ZNF12: variants seen among roughly 807,000 people sequenced by gnomAD.
ZNF12 encodes gonadotropin inducible transcription repressor 3.
Under a neutral mutation model 66.6 loss-of-function variants are expected in ZNF12, and 34 were observed. That is an observed-to-expected ratio of 0.51 (90% CI 0.39 to 0.68). ZNF12 has a LOEUF of 0.68. ZNF12 is among the 30% of genes least tolerant of loss of function. The pLI is 0.00. For synonymous variants in ZNF12, 320 were observed against 278.9 expected (o/e 1.15, Z -1.47); for missense variants, 697 against 826.9 (o/e 0.84, Z 1.93).
chr7:6,690,451 CTT>C lies in ZNF12; in HGVS notation c.*395_*396del, dbSNP rs894327636. The C allele has an allele frequency of 4.8e-5, 7 of 144,848 alleles. No individual in the cohort carries two copies. The East Asian group carries it at 6.0e-4, about 12-fold the overall frequency. 9.0% of individuals were successfully genotyped at this position (144,848 alleles called of 1,614,324 possible). On this transcript the variant is annotated 3_prime_UTR_variant, in exon 5 of 5. Transcript: ENST00000405858. Reference sequence around the variant, plus strand: ...TATTCACAGCAGGAATCTTCTATTTCTTTTTTTTTTTTCAAGTTTGCTATTGT... The same window carrying C: ...TATTCACAGCAGGAATCTTCTATTTCTTTTTTTTTTCAAGTTTGCTATTGT...
rs776313216 is a variant in ZNF12, at chr7:6,689,055, C to T, written c.*1793G>A. ...TAAAATAAATGACTTACCTAAAGTCCACTTCTGAACTGCATAACTCCTATA... is the reference window on the plus strand; with the variant it reads ...TAAAATAAATGACTTACCTAAAGTCTACTTCTGAACTGCATAACTCCTATA... On this transcript the variant is annotated 3_prime_UTR_variant, in exon 5 of 5. Coordinates refer to ENST00000405858, the MANE Select transcript of ZNF12 (RefSeq NM_016265.4). The T allele has an allele frequency of 2.0e-5, 3 of 152,460 alleles. No homozygotes were observed. The highest frequency in any genetic ancestry group is 7.2e-5 in the African/African-American group (3 of 41,414). The allele number at this position is 152,460 out of a possible 1,614,324, so 9.4% of individuals were successfully genotyped here.
intron 2 of ZNF12, among the ~76,000 whole-genome samples, chr7:6,701,785 A>G (rs961555904): frequency 2.6e-5 from 4 of 152,078 alleles, no homozygotes; most frequent in African/African-American, 9.7e-5. Context: ...TCGAGGCCCC[A>G]CAGCCATTCT....
chr7:6,692,433 C>A lies in ZNF12; in HGVS notation c.509G>T (p.Gly170Val). The part of the protein sequence containing the change: ...YARMKADECS[G>V]CGKSLLHIKL... ...AATATGGAGGAGTGATTTCCCACAT[C>A]CACTACATTCATCAGCTTTCATTCT... is the stretch of plus-strand genomic sequence containing the variant. Residue 170 changes from glycine to valine, a missense_variant, in exon 5 of 5, where the codon GGA (glycine) becomes GTA (valine). Gly to Val is a moderately radical substitution (Grantham distance 109). Transcript: ENST00000405858. The surrounding 1 kb of genome is among the most constrained non-coding windows in gnomAD (Gnocchi z 5.1). 1 of 1,613,288 alleles carries A rather than the reference C, an allele frequency of 6.2e-7. No individual in the cohort carries two copies. The highest frequency in any genetic ancestry group is 1.3e-5 in the African/African-American group (1 of 75,032).
rs867160866 is a variant in ZNF12 at position 6,691,285 on chromosome 7, T to C, written c.1657A>G (p.Ile553Val). The C allele has an allele frequency of 6.2e-6, 10 of 1,613,588 alleles. No individual in the cohort carries two copies. Among genetic ancestry groups the C allele is most frequent in the Admixed American group, 1.7e-5 (1 of 59,968 alleles). The stretch of plus-strand genomic sequence containing the variant: ...ATCTGAGAGAAGAATTTTCCACATA[T>C]ATAGCATTCATAGGGCTTCTCTCCT... The part of the protein sequence containing the change: ...HKGEKPYECY[I>V]CGKFFSQMSY... Residue 553 changes from isoleucine (I) to valine (V), a missense_variant, in exon 5 of 5, where the codon ATA (isoleucine) becomes GTA (valine). By Grantham distance (29) the Ile-to-Val change is conservative (BLOSUM62 3). This residue lies in a region of ZNF12 where 401 missense variants were observed against 519.0 expected (regional missense o/e 0.77). Coordinates refer to ENST00000405858, the MANE Select transcript of ZNF12 (RefSeq NM_016265.4).
rs1484846621 is a variant in ZNF12 at position 6,691,682 on chromosome 7, G to A, written c.1260C>T (p.Arg420=). 1.2e-6 allele frequency: 2 copies of A among 1,612,850 alleles called. No individual in the cohort carries two copies. The highest frequency in any genetic ancestry group is 1.3e-5 in the African/African-American group (1 of 74,578). The change falls in exon 5 of 5, where the codon CGC becomes CGT. Residue 420 remains arginine, a synonymous_variant. Transcript: ENST00000405858. ...KCSECGKCFC[R]KSTLTTHLRT... ...TCAGGTGGGTCGTGAGAGTAGACTT[G>A]CGGCAGAAGCATTTCCCACATTCAC...
intron 2 of ZNF12, among the ~76,000 whole-genome samples, chr7:6,700,302 T>TACACACACAC (rs780908025): frequency 1.2e-5 from 1 of 83,874 alleles, no homozygotes; most frequent in African/African-American, 5.5e-5. Flanking sequence ...AAAAAAAAAA[T>TACACACACAC]ATACACACAC....
At chr7:6,694,242 T>G (rs986915614) in intron 4 of ZNF12, among the ~76,000 whole-genome samples, 3 of 152,116 alleles carry the variant, frequency 2.0e-5, no homozygotes, top group Non-Finnish European at 2.9e-5. Context: ...AACAATTTTA[T>G]TTTTACTTAC....
At position 6,691,031 on chromosome 7, in the gene ZNF12, CT is replaced by C; in HGVS notation, c.1910del (p.Glu637GlyfsTer52). ...ACATCCGAGAGAAGGCTTTTCCACA[CT>C]CATTACATTCAAAGGGTTTCTCTCC... ...HSGEKPFECN[E>X]CGKAFSRMSY... On this transcript the variant is annotated frameshift_variant, in exon 5 of 5. Transcript: ENST00000405858. LOFTEE classifies it high-confidence loss of function. 1 of 1,613,738 alleles carries C rather than the reference CT, an allele frequency of 6.2e-7. No individual in the cohort carries two copies. The highest frequency in any genetic ancestry group is 8.5e-7 in the Non-Finnish European group (1 of 1,179,908).
At chr7:6,703,895 T>C (rs117408417) in intron 2 of ZNF12, among the ~76,000 whole-genome samples, 3,493 of 152,326 alleles carry the variant, frequency 0.023, 61 homozygotes, top group Middle Eastern at 0.048. Flanking sequence ...TGCTGGATTA[T>C]TGGCAACCTT....
In ZNF12 at chr7:6,691,120, A is replaced by C; in HGVS notation, c.1822T>G (p.Tyr608Asp). The change falls in exon 5 of 5, where the codon TAT (tyrosine) becomes GAT (aspartate). Residue 608 changes from tyrosine to aspartate, a missense_variant. Coordinates refer to ENST00000405858, the MANE Select transcript of ZNF12 (RefSeq NM_016265.4). ...TGAGAGAAGCACTTCCCACATTCATAACATTCGTAGGCTTTCTCTCCTGTG... is the reference window on the plus strand; with the variant it reads ...TGAGAGAAGCACTTCCCACATTCATCACATTCGTAGGCTTTCTCTCCTGTG... Reference protein sequence around the residue: ...THTGEKAYECYECGKCFSQMS... With the variant: ...THTGEKAYECDECGKCFSQMS... 1 of 1,614,030 alleles carries C rather than the reference A, an allele frequency of 6.2e-7. No homozygotes were observed. Among genetic ancestry groups the C allele is most frequent in the Non-Finnish European group, 8.5e-7 (1 of 1,179,982 alleles).
Position 6,692,718 on chromosome 7 carries a change from A to T in ZNF12, c.239-15T>A. Reference sequence around the variant, plus strand: ...CCAGACTTCATCTAAAGAGAGACAAAATTAATAAACTTTTGTACATCTTCC... The same window carrying T: ...CCAGACTTCATCTAAAGAGAGACAATATTAATAAACTTTTGTACATCTTCC... On this transcript the variant is annotated splice_polypyrimidine_tract_variant and intron_variant, in intron 4 of 4. Coordinates refer to ENST00000405858, the MANE Select transcript of ZNF12 (RefSeq NM_016265.4). The surrounding 1 kb of genome is among the most constrained non-coding windows in gnomAD (Gnocchi z 5.1). The T allele has an allele frequency of 6.5e-7, 1 of 1,542,724 alleles. No individual in the cohort carries two copies. The highest frequency in any genetic ancestry group is 1.4e-5 in the African/African-American group (1 of 72,068).
intron 4 of ZNF12, among the ~76,000 whole-genome samples, chr7:6,694,313 G>A (rs937781701): frequency 1.3e-5 from 2 of 152,070 alleles, no homozygotes; most frequent in African/African-American, 2.4e-5. Flanking sequence ...TAAGTGAAAC[G>A]ATATCAACCG....
At chr7:6,703,227 C>T (rs990587814) in intron 2 of ZNF12, among the ~76,000 whole-genome samples, 11 of 152,220 alleles carry the variant, frequency 7.2e-5, no homozygotes, top group Non-Finnish European at 1.5e-4. Context: ...ACTCTGGGAG[C>T]CACGCAAGTG....
intron 2 of ZNF12, among the ~76,000 whole-genome samples, chr7:6,701,751 G>C (rs1014297237): frequency 2.6e-5 from 4 of 151,918 alleles, no homozygotes; most frequent in Non-Finnish European, 5.9e-5. Context: ...CCAACTGTTT[G>C]CATCTCTGTC....
Position 6,689,680 on chromosome 7 carries a change from G to A in ZNF12, c.*1168C>T, listed in dbSNP as rs1482404204. The stretch of plus-strand genomic sequence containing the variant: ...AGAGCACAAGGTTTAAAACCAGTAC[G>A]ACATCAAATGAAAACACAGTGAATT... On this transcript the variant is annotated 3_prime_UTR_variant, in exon 5 of 5. Transcript: ENST00000405858. 2 of 152,050 alleles carry A rather than the reference G, an allele frequency of 1.3e-5. No individual in the cohort carries two copies. Among genetic ancestry groups the A allele is most frequent in the African/African-American group, 2.4e-5 (1 of 41,222 alleles). The allele number at this position is 152,050 out of a possible 1,614,324, so 9.4% of individuals were successfully genotyped here. A position where few individuals can be genotyped will look rare whatever the true frequency, so the allele number is the denominator to read the frequency against.
Position 6,698,278 on chromosome 7 carries a change from G to GT in ZNF12, c.16-468_16-467insA, listed in dbSNP as rs1554294577. On this transcript the variant is annotated intron_variant, in intron 2 of 4. Coordinates refer to ENST00000405858, the MANE Select transcript of ZNF12 (RefSeq NM_016265.4). This position sits in a 1 kb window ranked among gnomAD's most constrained non-coding sequence, Gnocchi z 4.4. ...CTCCAAGTCATCCTGAATGTTGTGG[G>GT]CCTACGGCTGTCTTGAGTCTTTTTC... is the stretch of plus-strand genomic sequence containing the variant. 6.6e-6 allele frequency among the ~76,000 whole-genome samples: 1 copy of GT among 152,198 alleles called. No individual in the cohort carries two copies. The highest frequency in any genetic ancestry group is 1.5e-5 in the Non-Finnish European group (1 of 68,050).
rs2115358325 is a variant in ZNF12, at chr7:6,705,516, G to C, written c.-50-293C>G. ...AATGCAAGATTTAAAAAGGAATTCT[G>C]GTGACCAGCCTGGCCAACATGGTGA... On this transcript the variant is annotated intron_variant, in intron 1 of 4. Coordinates refer to ENST00000405858, the MANE Select transcript of ZNF12 (RefSeq NM_016265.4). The surrounding 1 kb of genome is among the most constrained non-coding windows in gnomAD (Gnocchi z 4.0). Among the ~76,000 whole-genome samples, 1 of 152,222 alleles carries C rather than the reference G, an allele frequency of 6.6e-6. No homozygotes were observed. Among genetic ancestry groups the C allele is most frequent in the East Asian group, 1.9e-4 (1 of 5,182 alleles).
At position 6,690,781 on chromosome 7, in the gene ZNF12, G is replaced by T. The variant is rs144840417; in HGVS notation, c.*67C>A. ...GAACTCTCTGATGTACAAGGTGTTT[G>T]ACTTCAGGCAGGAGTTTCTGATTCA... is the stretch of plus-strand genomic sequence containing the variant. On this transcript the variant is annotated 3_prime_UTR_variant, in exon 5 of 5. Coordinates refer to ENST00000405858, the MANE Select transcript of ZNF12 (RefSeq NM_016265.4). The T allele has an allele frequency of 2.8e-4, 403 of 1,446,968 alleles. 1 individual carries two copies. In the African/African-American group the frequency reaches 4.3e-3, roughly 16 times the overall value. The allele number at this position is 1,446,968 out of a possible 1,614,324, so 89.6% of individuals were successfully genotyped here.
chr7:6,700,336 C>CAT (rs1554294763), intron 2 of ZNF12, among the ~76,000 whole-genome samples: 79 of 143,062 alleles, frequency 5.5e-4, no homozygotes, highest in East Asian at 2.4e-3. Context: ...CACACACACA[C>CAT]ATATATATAC....
Sources: gnomAD v4.1 joint callset for allele counts (sites outside exome capture counted in the v4.1 genomes callset) on GRCh38, gnomAD v4.1.1 for gene constraint, gnomAD v4.1.1 regional missense constraint, Gnocchi (gnomAD v3.1) non-coding constraint, MANE v1.5 for transcripts, NCBI Gene and HGNC (gene_info 2026-07-23, HGNC 2026-07-21) for gene names.